CLSTN1: variants seen among roughly 807,000 people sequenced by gnomAD.
CLSTN1 encodes calsyntenin-1.
A neutral mutation model predicts 108.3 loss-of-function variants in CLSTN1; 28 were observed. That is an observed-to-expected ratio of 0.26 (90% CI 0.19 to 0.35). The LOEUF is 0.35. Among genes scored for constraint, CLSTN1 ranks in the 10% least tolerant of loss-of-function variants. CLSTN1 has a pLI of 1.00. For missense variants in CLSTN1, 1,157 were observed against 1,302.6 expected, an observed-to-expected ratio of 0.89 and a Z score of 1.72; for synonymous variants, 524 against 534.9, an observed-to-expected ratio of 0.98 and a Z score of 0.28.
At chr1:9,739,328 C>T (rs551436853) in intron 10 of CLSTN1, among the ~76,000 whole-genome samples, 102 of 152,280 alleles carry the variant, frequency 6.7e-4, no homozygotes, top group East Asian at 1.5e-3. Context: ...GGAACTTACA[C>T]CACTGTTGGA....
At chr1:9,787,314 G>A (rs888366734) in intron 1 of CLSTN1, among the ~76,000 whole-genome samples, 2 of 150,976 alleles carry the variant, frequency 1.3e-5, no homozygotes, top group African/African-American at 4.8e-5. Context: ...TGTTATGGTT[G>A]ATAAAAATAT....
At chr1:9,779,464 G>A (rs1653138719) in intron 1 of CLSTN1, among the ~76,000 whole-genome samples, 1 of 152,112 alleles carries the variant, frequency 6.6e-6, no homozygotes, top group Non-Finnish European at 1.5e-5. Context: ...GGCTGAGGCA[G>A]GAGAATCGCT....
At chr1:9,745,956 C>T (rs1377199553) in intron 7 of CLSTN1, among the ~76,000 whole-genome samples, 7 of 151,770 alleles carry the variant, frequency 4.6e-5, no homozygotes, top group South Asian at 4.2e-4. Context: ...TTTGTAGAGA[C>T]GGGGTTTCGC....
At chr1:9,790,932 G>T (rs1474302027) in intron 1 of CLSTN1, among the ~76,000 whole-genome samples, 1 of 151,190 alleles carries the variant, frequency 6.6e-6, no homozygotes, top group East Asian at 2.0e-4. Flanking sequence ...AGGAGATCGA[G>T]ATCATCCTGG....
At chr1:9,790,650 T>G (rs1281476171) in intron 1 of CLSTN1, among the ~76,000 whole-genome samples, 1 of 151,478 alleles carries the variant, frequency 6.6e-6, no homozygotes, top group Non-Finnish European at 1.5e-5. Context: ...TCCAGTTTTG[T>G]ATACTCAGCA....
chr1:9,742,142 CA>C (rs1031572296), intron 9 of CLSTN1, among the ~76,000 whole-genome samples: 46 of 152,146 alleles, frequency 3.0e-4, no homozygotes, highest in African/African-American at 1.1e-3. Flanking sequence ...ATTGTAAACA[CA>C]AAAACATTTA....
At chr1:9,758,096 C>T (rs893234566) in intron 2 of CLSTN1, among the ~76,000 whole-genome samples, 7 of 152,050 alleles carry the variant, frequency 4.6e-5, no homozygotes, top group Non-Finnish European at 8.8e-5. Context: ...CGGGTTCAAG[C>T]GATTCTCCTG....
At chr1:9,733,665 C>T in intron 15 of CLSTN1, 119 bp from the exon 16 acceptor site, 1 of 1,225,366 alleles carries the variant, frequency 8.2e-7, no homozygotes, top group Non-Finnish European at 1.2e-6. Flanking sequence ...GCCAAGGGGT[C>T]ACACAAGTTG....
chr1:9,746,163 T>G (rs564861839), intron 7 of CLSTN1, among the ~76,000 whole-genome samples: 1 of 152,278 alleles, frequency 6.6e-6, no homozygotes, highest in East Asian at 1.9e-4. Context: ...ATTATAAACC[T>G]CACCTGCATG....
intron 10 of CLSTN1, 72 bp from the exon 11 acceptor site, chr1:9,737,626 C>T: frequency 7.1e-7 from 1 of 1,411,404 alleles, no homozygotes; most frequent in East Asian, 2.3e-5. Context: ...ACCTTGAAAA[C>T]CAGGTTTGAA....
intron 1 of CLSTN1, among the ~76,000 whole-genome samples, chr1:9,790,259 TG>T (rs1332334299): frequency 6.6e-6 from 1 of 151,376 alleles, no homozygotes; most frequent in African/African-American, 2.4e-5. Flanking sequence ...CCTTTAAGTA[TG>T]TTTATTAAGT....
intron 1 of CLSTN1, among the ~76,000 whole-genome samples, chr1:9,795,595 A>G (rs1653952218): frequency 6.6e-6 from 1 of 151,542 alleles, no homozygotes; most frequent in Non-Finnish European, 1.5e-5. Context: ...GAACTACAGT[A>G]CAAGATTGGG....
intron 1 of CLSTN1, among the ~76,000 whole-genome samples, chr1:9,787,749 A>G (rs2101213018): frequency 6.6e-6 from 1 of 151,412 alleles, no homozygotes; most frequent in South Asian, 2.2e-4. Context: ...ACACAGTATA[A>G]AAATTTACCA....
rs981380135 is a variant in CLSTN1 at position 9,787,604 on chromosome 1, A to C, written c.92-14210T>G. Among the ~76,000 whole-genome samples, 4 of 151,074 alleles carry C rather than the reference A, an allele frequency of 2.6e-5. No homozygotes were observed. The East Asian group carries it at 8.0e-4, about 30-fold the overall frequency. ...GTTTTTAGAGAGACGGGGTTTCACC[A>C]TGTTAGCCAGGATGGTCTCGATCTC... On this transcript the variant is annotated intron_variant, in intron 1 of 18. Coordinates refer to ENST00000377298, the MANE Select transcript of CLSTN1 (RefSeq NM_001009566.3).
intron 1 of CLSTN1, among the ~76,000 whole-genome samples, chr1:9,811,069 A>T (rs1277060914): frequency 2.0e-5 from 3 of 152,248 alleles, no homozygotes; most frequent in Non-Finnish European, 4.4e-5. Context: ...GTCTAGAAAA[A>T]GACAAAGTTA....
chr1:9,731,418 G>A (rs778684115), intron 17 of CLSTN1, 28 bp from the exon 18 acceptor site: 10 of 1,608,922 alleles, frequency 6.2e-6, no homozygotes, highest in African/African-American at 1.3e-5. Context: ...GGCGGGATGC[G>A]AGGTCACTCG....
At chr1:9,731,702 G>A (rs1353671654) in intron 17 of CLSTN1, 59 bp downstream of exon 17, 1 of 1,564,700 alleles carries the variant, frequency 6.4e-7, no homozygotes, top group Admixed American at 1.7e-5. Context: ...CCACGGTGGG[G>A]TGGGGGCAGG....
At chr1:9,795,592 AG>A (rs1653952080) in intron 1 of CLSTN1, among the ~76,000 whole-genome samples, 1 of 151,506 alleles carries the variant, frequency 6.6e-6, no homozygotes, top group African/African-American at 2.4e-5. Flanking sequence ...AGAGAACTAC[AG>A]TACAAGATTG....
chr1:9,785,684 A>G (rs1428484512), intron 1 of CLSTN1, among the ~76,000 whole-genome samples: 1 of 152,142 alleles, frequency 6.6e-6, no homozygotes, highest in South Asian at 2.1e-4. Context: ...CTTGAGAACC[A>G]CTGACTGACA....
Sources: allele counts gnomAD v4.1 joint callset (sites outside exome capture counted in the v4.1 genomes callset), GRCh38; gene constraint gnomAD v4.1.1; transcripts MANE v1.5; gene names NCBI Gene and HGNC (gene_info 2026-07-23, HGNC 2026-07-21).